The following SDK1 variants were observed in gnomAD, a reference collection of about 807,000 sequenced individuals.
SDK1 encodes the protein protein sidekick-1.
In SDK1, 157 loss-of-function variants were observed where a neutral mutation model predicts 245.5. The ratio of observed to expected loss-of-function variants is 0.64; its 90% CI spans 0.56 to 0.73. The LOEUF (loss-of-function observed/expected upper bound fraction) is 0.73. Among genes scored for constraint, SDK1 ranks in the 30% least tolerant of loss-of-function variants. The probability of loss-of-function intolerance (pLI) is 0.00; values close to 1 mark genes in which losing one functional copy is unlikely to be tolerated. For missense variants in SDK1, 3,583 were observed against 3,002.3 expected (o/e 1.19, Z -4.52); for synonymous variants, 1,647 against 1,278.5 (o/e 1.29, Z -6.15).
intron 1 of SDK1, among the ~76,000 whole-genome samples, chr7:3,302,832 C>G (rs538448147): frequency 3.9e-5 from 6 of 152,206 alleles, no homozygotes; most frequent in African/African-American, 1.4e-4. Flanking sequence ...ATACAGCTAA[C>G]GAACAATCAT....
intron 5 of SDK1, among the ~76,000 whole-genome samples, chr7:3,917,214 A>C (rs1779415191): frequency 6.6e-6 from 1 of 152,228 alleles, no homozygotes; most frequent in African/African-American, 2.4e-5. Flanking sequence ...TTGAAAGCAT[A>C]CGTCTCTGAT....
At chr7:3,492,501 TACAAAA>T (rs553827086) in intron 1 of SDK1, among the ~76,000 whole-genome samples, 2 of 151,972 alleles carry the variant, frequency 1.3e-5, no homozygotes, top group African/African-American at 2.4e-5. Context: ...CTCAAAAAAA[TACAAAA>T]ACAAAAACAA....
At chr7:4,159,087 G>A (rs1324780234) in intron 31 of SDK1, among the ~76,000 whole-genome samples, 4 of 152,228 alleles carry the variant, frequency 2.6e-5, no homozygotes, top group African/African-American at 4.8e-5. Context: ...ATCACAGGAC[G>A]GGTGGGATGG....
chr7:3,321,718 C>A (rs1260778310), intron 1 of SDK1, among the ~76,000 whole-genome samples: 5 of 25,612 alleles, frequency 2.0e-4, no homozygotes, highest in African/African-American at 1.4e-3. Context: ...CCCCCTCCCT[C>A]TCCCCTCTCC....
intron 4 of SDK1, among the ~76,000 whole-genome samples, chr7:3,795,162 A>G (rs1181349981): frequency 2.6e-5 from 4 of 152,202 alleles, no homozygotes; most frequent in South Asian, 4.1e-4. Context: ...TCTTTTAACC[A>G]CATCAAGTTG....
chr7:3,453,741 C>G (rs1252532881), intron 1 of SDK1, among the ~76,000 whole-genome samples: 3 of 140,110 alleles, frequency 2.1e-5, no homozygotes, highest in African/African-American at 6.5e-5. Context: ...CCATGTCTGG[C>G]TAATTTTTTT....
At chr7:3,547,807 C>G (rs1209053385) in intron 1 of SDK1, among the ~76,000 whole-genome samples, 47 of 152,214 alleles carry the variant, frequency 3.1e-4, no homozygotes, top group Non-Finnish European at 1.5e-5. Flanking sequence ...ACACTCTTAA[C>G]AGGCAGATAC....
At chr7:3,338,284 A>G (rs1302519054) in intron 1 of SDK1, 3 of 470,790 alleles carry the variant, frequency 6.4e-6, no homozygotes, top group African/African-American at 2.0e-5. Flanking sequence ...AGGAAGCCCC[A>G]CAAGTGTTAC....
At chr7:3,313,306 CTGAAGCAGGACAATTGCT>C (rs1159826044) in intron 1 of SDK1, among the ~76,000 whole-genome samples, 1 of 152,162 alleles carries the variant, frequency 6.6e-6, no homozygotes. Context: ...ACTTGGGAGG[CTGAAGCAGGACAATTGCT>C]TGAACCCTGG....
intron 4 of SDK1, among the ~76,000 whole-genome samples, chr7:3,671,293 C>T (rs1051406288): frequency 2.0e-5 from 3 of 152,192 alleles, no homozygotes; most frequent in African/African-American, 7.2e-5. Flanking sequence ...GCTTAATGTT[C>T]TCTAGAATTC....
chr7:3,405,814 C>CTTTTTTTTTTTTTTTTTTT (rs534692477), intron 1 of SDK1, among the ~76,000 whole-genome samples: 3 of 125,392 alleles, frequency 2.4e-5, no homozygotes, highest in African/African-American at 3.1e-5. Context: ...TTCTTTCTTT[C>CTTTTTTTTTTTTTTTTTTT]TTTTTTTTTT....
At chr7:3,424,061 G>A (rs531303930) in intron 1 of SDK1, among the ~76,000 whole-genome samples, 38 of 151,904 alleles carry the variant, frequency 2.5e-4, no homozygotes, top group Non-Finnish European at 3.7e-4. Flanking sequence ...ACAGGTGCGC[G>A]CCACCATGCC....
chr7:3,991,337 C>A (rs1295947004), intron 14 of SDK1, among the ~76,000 whole-genome samples: 1 of 152,124 alleles, frequency 6.6e-6, no homozygotes, highest in African/African-American at 2.4e-5. Context: ...TGGCTTGGAT[C>A]AAATATCACT....
chr7:3,311,494 A>T (rs975895209), intron 1 of SDK1, among the ~76,000 whole-genome samples: 28 of 152,206 alleles, frequency 1.8e-4, no homozygotes, highest in African/African-American at 6.8e-4. Flanking sequence ...AGGAAAGAGA[A>T]CTATGGAGGC....
intron 4 of SDK1, among the ~76,000 whole-genome samples, chr7:3,734,031 T>G (rs1376000878): frequency 6.6e-6 from 1 of 152,192 alleles, no homozygotes; most frequent in African/African-American, 2.4e-5. Context: ...CCAGATCTGC[T>G]GTAAGCCCTG....
chr7:3,990,700 AGTAC>A (rs1392472802), intron 14 of SDK1, among the ~76,000 whole-genome samples: 1 of 152,162 alleles, frequency 6.6e-6, no homozygotes, highest in African/African-American at 2.4e-5. Context: ...CCCTGCACTT[AGTAC>A]GTACTCAGCA....
intron 4 of SDK1, among the ~76,000 whole-genome samples, chr7:3,816,236 A>G (rs1779504684): frequency 6.6e-6 from 1 of 152,106 alleles, no homozygotes; most frequent in East Asian, 1.9e-4. Context: ...GGCAAGAACT[A>G]ACTAAAATCA....
chr7:3,623,401 TG>T (rs958043529), intron 2 of SDK1, among the ~76,000 whole-genome samples: 24 of 152,164 alleles, frequency 1.6e-4, no homozygotes, highest in Middle Eastern at 3.4e-3. Flanking sequence ...TCACCACGCC[TG>T]GCTAATTTTT....
chr7:4,206,613 C>T (rs946130800), intron 36 of SDK1, among the ~76,000 whole-genome samples: 1 of 152,086 alleles, frequency 6.6e-6, no homozygotes, highest in Non-Finnish European at 1.5e-5. Flanking sequence ...AGGAGAGCGT[C>T]GAGTGAGGAA....
Sources: gnomAD v4.1 joint callset for allele counts (sites outside exome capture counted in the v4.1 genomes callset) on GRCh38, gnomAD v4.1.1 for gene constraint, MANE v1.5 for transcripts, NCBI Gene and HGNC (gene_info 2026-07-23, HGNC 2026-07-21) for gene names.